BAZ1B: variants seen among roughly 807,000 people sequenced by gnomAD.
The protein encoded by BAZ1B is tyrosine-protein kinase BAZ1B.
BAZ1B carries 22 observed loss-of-function variants against 153.8 expected under a neutral mutation model. The observed-to-expected ratio is 0.14, with a 90% CI of 0.10 to 0.20. The LOEUF is 0.20. Ranked by LOEUF, BAZ1B falls within the 10% of genes least tolerant of loss-of-function variation. BAZ1B has a pLI of 1.00. For synonymous variants in BAZ1B, 676 were observed against 633.4 expected (o/e 1.07, Z -1.01); for missense variants, 1,325 against 1,799.3 (o/e 0.74, Z 4.77).
Position 73,477,387 on chromosome 7 carries a change from C to A in BAZ1B, c.2074G>T (p.Val692Leu). The A allele has an allele frequency of 1.2e-6, 2 of 1,614,244 alleles. No homozygotes were observed. Among genetic ancestry groups the A allele is most frequent in the Non-Finnish European group, 1.7e-6 (2 of 1,180,044 alleles). ...PLTLHSVSEL[V>L]RLCLRRSDVQ... Reference sequence around the variant, plus strand: ...TCAGATCTGCGCAAGCAGAGCCGCACCAGCTCTGAAACAGAATGCAGAGTC... The same window carrying A: ...TCAGATCTGCGCAAGCAGAGCCGCAACAGCTCTGAAACAGAATGCAGAGTC... The change falls in exon 7 of 20, where the codon GTG (valine) becomes TTG (leucine). Residue 692 changes from valine (V) to leucine (L), a missense_variant. Coordinates refer to ENST00000339594, the MANE Select transcript of BAZ1B (RefSeq NM_032408.4). This position sits in a 1 kb window ranked among gnomAD's most constrained non-coding sequence, Gnocchi z 5.6.
intron 15 of BAZ1B, among the ~76,000 whole-genome samples, chr7:73,448,467 C>A (rs1055739027): frequency 4.6e-5 from 7 of 152,210 alleles, no homozygotes; most frequent in Non-Finnish European, 8.8e-5. Context: ...CAAAGCACCA[C>A]CTCTACTCTC....
intron 1 of BAZ1B, among the ~76,000 whole-genome samples, chr7:73,513,007 T>G (rs1330594483): frequency 6.6e-6 from 1 of 152,150 alleles, no homozygotes; most frequent in African/African-American, 2.4e-5. Context: ...CAGGCTGAAG[T>G]GCAGTGGTGG....
In BAZ1B at chr7:73,478,340, G is replaced by A. The variant is rs782044136; in HGVS notation, c.1121C>T (p.Ser374Leu). 50 of 1,613,002 alleles carry A rather than the reference G, an allele frequency of 3.1e-5. No homozygotes were observed. The highest frequency in any genetic ancestry group is 3.6e-5 in the Non-Finnish European group (42 of 1,179,818). Reference sequence around the variant, plus strand: ...AAAGTTAGTGTGCAGCTTATTGGGCGACATCATCTTCATCATTTCTTCTAG... The same window carrying A: ...AAAGTTAGTGTGCAGCTTATTGGGCAACATCATCTTCATCATTTCTTCTAG... ...EHLEEMMKMMSPNKLHTNFHI... is the reference protein window; with the variant it reads ...EHLEEMMKMMLPNKLHTNFHI... The change falls in exon 7 of 20, where the codon TCG becomes TTG. Residue 374 changes from serine to leucine, a missense_variant. This residue lies in a region of BAZ1B where 219 missense variants were observed against 248.2 expected (regional missense o/e 0.88). Transcript: ENST00000339594.
At chr7:73,521,778 C>G (rs979259528) in intron 1 of BAZ1B, 49 bp downstream of exon 1, 5 of 1,448,394 alleles carry the variant, frequency 3.5e-6, no homozygotes, top group Non-Finnish European at 4.6e-6. Context: ...CCAGGCCCTA[C>G]CCCGGCCCAG....
chr7:73,478,253 T>C lies in BAZ1B; in HGVS notation c.1208A>G (p.Lys403Arg). The C allele has an allele frequency of 1.2e-6, 2 of 1,614,258 alleles. No homozygotes were observed. Among genetic ancestry groups the C allele is most frequent in the East Asian group, 2.2e-5 (1 of 44,892 alleles). The change falls in exon 7 of 20, where the codon AAG (lysine) becomes AGG (arginine). Residue 403 changes from lysine (K) to arginine (R), a missense_variant. Transcript: ENST00000339594. ...GATGCCTTTGCTTCTGCCCTTTGCC[T>C]TCAAAGGCTTGTCACTGTGCTTCCC... Reference protein sequence around the residue: ...KPGKHSDKPLKAKGRSKGILN... With the variant: ...KPGKHSDKPLRAKGRSKGILN...
intron 6 of BAZ1B, among the ~76,000 whole-genome samples, chr7:73,483,301 C>G (rs1789270217): frequency 6.6e-6 from 1 of 152,160 alleles, no homozygotes; most frequent in East Asian, 1.9e-4. Flanking sequence ...GCAGCTCATT[C>G]AGATGCTGCA....
chr7:73,481,849 A>C (rs1789213902), intron 6 of BAZ1B, among the ~76,000 whole-genome samples: 1 of 152,214 alleles, frequency 6.6e-6, no homozygotes, highest in African/African-American at 2.4e-5. Context: ...CATCCTGGCT[A>C]ACACAGTGAA....
intron 4 of BAZ1B, among the ~76,000 whole-genome samples, chr7:73,495,463 T>C (rs1554576257): frequency 6.6e-6 from 1 of 151,846 alleles, no homozygotes; most frequent in Admixed American, 6.6e-5. Flanking sequence ...AGGCAAAGAA[T>C]AGAATCCTAT....
At chr7:73,503,444 T>C (rs1203163590) in intron 3 of BAZ1B, among the ~76,000 whole-genome samples, 2 of 151,860 alleles carry the variant, frequency 1.3e-5, no homozygotes, top group Non-Finnish European at 2.9e-5. Context: ...GGTGCGATCA[T>C]AGCTCACTGC....
At chr7:73,517,075 T>C (rs923080454) in intron 1 of BAZ1B, among the ~76,000 whole-genome samples, 5 of 150,644 alleles carry the variant, frequency 3.3e-5, no homozygotes, top group Non-Finnish European at 7.4e-5. Flanking sequence ...CCCAGTTGCT[T>C]GGGAGTCTGA....
At chr7:73,441,905 G>A in intron 19 of BAZ1B, 1 of 438,090 alleles carries the variant, frequency 2.3e-6, no homozygotes, top group Non-Finnish European at 4.1e-6. Context: ...AGGAAAGAAG[G>A]CAGGAACAGG....
At chr7:73,508,195 A>G in intron 3 of BAZ1B, 132 bp downstream of exon 3, 1 of 946,712 alleles carries the variant, frequency 1.1e-6, no homozygotes, top group Non-Finnish European at 1.4e-6. Flanking sequence ...ATTAACGTAA[A>G]GTATTAATAC....
intron 6 of BAZ1B, among the ~76,000 whole-genome samples, chr7:73,484,884 GAAGAGACCA>G (rs1789345014): frequency 6.6e-6 from 1 of 152,210 alleles, no homozygotes; most frequent in African/African-American, 2.4e-5. Context: ...TCCCAGATTA[GAAGAGACCA>G]AAGAGACAAG....
intron 3 of BAZ1B, among the ~76,000 whole-genome samples, chr7:73,499,024 C>T (rs1790024105): frequency 6.6e-6 from 1 of 152,002 alleles, no homozygotes. Context: ...TATGTATTTA[C>T]TTATTATTAT....
chr7:73,484,308 T>TAGAC (rs1789315687), intron 6 of BAZ1B, among the ~76,000 whole-genome samples: 1 of 148,648 alleles, frequency 6.7e-6, no homozygotes, highest in South Asian at 2.1e-4. Context: ...GATAGATAGA[T>TAGAC]AGATAGACAG....
intron 3 of BAZ1B, among the ~76,000 whole-genome samples, chr7:73,501,746 C>A (rs985135256): frequency 6.6e-6 from 1 of 152,208 alleles, no homozygotes; most frequent in African/African-American, 2.4e-5. Flanking sequence ...ATATCCTACT[C>A]AACCTACAGG....
Position 73,508,361 on chromosome 7 carries a change from G to A in BAZ1B, c.335C>T (p.Thr112Ile). The A allele has an allele frequency of 6.2e-7, 1 of 1,613,940 alleles. No individual in the cohort carries two copies. The highest frequency in any genetic ancestry group is 8.5e-7 in the Non-Finnish European group (1 of 1,179,954). ...LVDTAWLEIM[T>I]KYAVGEECDF... ...ACACTCTTCTCCCACAGCATATTTG[G>A]TCATGATCTCCAACCAAGCAGTATC... The change falls in exon 3 of 20, where the codon ACC becomes ATC. Residue 112 changes from threonine to isoleucine, a missense_variant. Physicochemically the swap from Thr to Ile is moderately conservative, Grantham distance 89. Transcript: ENST00000339594.
intron 9 of BAZ1B, among the ~76,000 whole-genome samples, chr7:73,467,784 A>G (rs782380887): frequency 6.6e-6 from 1 of 152,164 alleles, no homozygotes; most frequent in Non-Finnish European, 1.5e-5. Context: ...TGTCTCGGGG[A>G]CACATTATAA....
intron 13 of BAZ1B, among the ~76,000 whole-genome samples, chr7:73,457,146 A>T (rs1198499912): frequency 6.6e-6 from 1 of 151,728 alleles, no homozygotes; most frequent in African/African-American, 2.4e-5. Context: ...AAAAAATTAG[A>T]AGCAGGGACT....
Sources: gnomAD v4.1 joint callset for allele counts (sites outside exome capture counted in the v4.1 genomes callset) on GRCh38, gnomAD v4.1.1 for gene constraint, gnomAD v4.1.1 regional missense constraint, Gnocchi (gnomAD v3.1) non-coding constraint, MANE v1.5 for transcripts, NCBI Gene and HGNC (gene_info 2026-07-23, HGNC 2026-07-21) for gene names.